MOXD1: variants seen among roughly 807,000 people sequenced by gnomAD.
MOXD1 encodes the protein monooxygenase DBH like 1, also known as DBH-like monooxygenase protein 1.
MOXD1 carries 62 observed loss-of-function variants against 66.6 expected under a neutral mutation model. The observed-to-expected ratio is 0.93, with a 90% CI of 0.76 to 1.15. The LOEUF is 1.15. MOXD1 is among the 50% of genes most tolerant of loss of function. The probability of loss-of-function intolerance (pLI) is 0.00; values close to 1 mark genes in which losing one functional copy is unlikely to be tolerated. For missense variants in MOXD1, 847 were observed against 754.6 expected (o/e 1.12, Z -1.44); for synonymous variants, 303 against 281.9 (o/e 1.07, Z -0.75).
chr6:132,303,835 G>GTATATA (rs1158339059), intron 10 of MOXD1, among the ~76,000 whole-genome samples: 104 of 47,520 alleles, frequency 2.2e-3, no homozygotes, highest in Non-Finnish European at 3.3e-3. Flanking sequence ...GTGTGTGTGT[G>GTATATA]TATATATATA....
At chr6:132,344,597 T>C (rs1234913592) in intron 4 of MOXD1, among the ~76,000 whole-genome samples, 1 of 152,206 alleles carries the variant, frequency 6.6e-6, no homozygotes, top group Non-Finnish European at 1.5e-5. Context: ...CGCACATTCC[T>C]TTGATTGATC....
intron 1 of MOXD1, among the ~76,000 whole-genome samples, chr6:132,387,024 T>G (rs3861470): frequency 0.84 from 126,150 of 150,816 alleles, 54,112 homozygotes; most frequent in East Asian, 1. Context: ...GCTGTTTTTT[T>G]TTCCTCAGGT....
intron 4 of MOXD1, among the ~76,000 whole-genome samples, chr6:132,335,588 G>A (rs960189697): frequency 9.2e-5 from 14 of 152,196 alleles, no homozygotes; most frequent in African/African-American, 2.9e-4. Flanking sequence ...GAAGCTGGAA[G>A]AGGCAAGGAA....
intron 4 of MOXD1, among the ~76,000 whole-genome samples, chr6:132,369,782 A>G (rs1776227954): frequency 6.6e-6 from 1 of 152,068 alleles, no homozygotes; most frequent in Non-Finnish European, 1.5e-5. Flanking sequence ...ACAGTGCAAG[A>G]TTTCATCAAG....
rs1209201997 is a variant in MOXD1 at position 132,359,121 on chromosome 6, C to CT, written c.663+13486dup. ...CTCTTAGGAACTGCCTGCAGCTTTC[C>CT]TTTTTTTTTTTTTTCTGAGGCAGGA... On this transcript the variant is annotated intron_variant, in intron 4 of 11. Coordinates refer to ENST00000367963, the MANE Select transcript of MOXD1 (RefSeq NM_015529.4). 5.2e-3 allele frequency among the ~76,000 whole-genome samples: 726 copies of CT among 138,346 alleles called. 2 individuals carry two copies. Among genetic ancestry groups the CT allele is most frequent in the African/African-American group, 0.011 (423 of 37,598 alleles). 90.8% of individuals were successfully genotyped at this position (138,346 alleles called of 152,430 possible).
In MOXD1 at chr6:132,296,292, C is replaced by G. The variant is rs1187898380; in HGVS notation, c.*861G>C. ...GTGTCACCCAAAGTCAGCAAGGAAC[C>G]ATTCAGAACTTACACCCTCCTGGAC... On this transcript the variant is annotated 3_prime_UTR_variant, in exon 12 of 12. Coordinates refer to ENST00000367963, the MANE Select transcript of MOXD1 (RefSeq NM_015529.4). 1 of 152,128 alleles carries G rather than the reference C, an allele frequency of 6.6e-6. No individual in the cohort carries two copies. The allele number at this position is 152,128 out of a possible 1,614,324, so 9.4% of individuals were successfully genotyped here.
intron 4 of MOXD1, among the ~76,000 whole-genome samples, chr6:132,347,414 C>T (rs574324351): frequency 1.3e-5 from 2 of 152,284 alleles, no homozygotes; most frequent in African/African-American, 4.8e-5. Context: ...TAGTGGCTCA[C>T]ATCTGTAATC....
intron 4 of MOXD1, among the ~76,000 whole-genome samples, chr6:132,370,092 CT>C (rs774018259): frequency 1.3e-4 from 19 of 151,984 alleles, no homozygotes; most frequent in Non-Finnish European, 1.9e-4. Flanking sequence ...TGTGAAAGTA[CT>C]TTTTGTTTGC....
intron 1 of MOXD1, among the ~76,000 whole-genome samples, chr6:132,400,543 C>T (rs1370460597): frequency 6.6e-6 from 1 of 152,068 alleles, no homozygotes; most frequent in Non-Finnish European, 1.5e-5. Context: ...AGTTTTGTCA[C>T]TTCATAGGAT....
rs1314717522 is a variant in MOXD1 at position 132,372,691 on chromosome 6, C to A, written c.580G>T (p.Val194Phe). 4 of 1,613,280 alleles carry A rather than the reference C, an allele frequency of 2.5e-6. No homozygotes were observed. The highest frequency in any genetic ancestry group is 3.4e-6 in the Non-Finnish European group (4 of 1,179,522). Residue 194 changes from valine (V) to phenylalanine (F), a missense_variant and splice_region_variant, in exon 4 of 12, where the codon GTC becomes TTC. By Grantham distance (50) the Val-to-Phe change is conservative. Coordinates refer to ENST00000367963, the MANE Select transcript of MOXD1 (RefSeq NM_015529.4). ...LPYFDLVNQD[V>F]PIPNKDTTYW... Reference sequence around the variant, plus strand: ...GTTGTATCTTTGTTTGGGATGGGGACCTGTCTTAATAAAAAGGGGAGGAAG... The same window carrying A: ...GTTGTATCTTTGTTTGGGATGGGGAACTGTCTTAATAAAAAGGGGAGGAAG...
chr6:132,386,325 C>T (rs1476044379), intron 1 of MOXD1, among the ~76,000 whole-genome samples: 1 of 149,320 alleles, frequency 6.7e-6, no homozygotes, highest in African/African-American at 2.5e-5. Flanking sequence ...TGGCGTGAAC[C>T]CGGGAGGCGG....
chr6:132,359,854 C>A (rs1208197605), intron 4 of MOXD1, among the ~76,000 whole-genome samples: 1 of 152,170 alleles, frequency 6.6e-6, no homozygotes, highest in African/African-American at 2.4e-5. Context: ...AAATTAGTGA[C>A]CCCATTTAGG....
intron 10 of MOXD1, among the ~76,000 whole-genome samples, chr6:132,314,942 T>G (rs1265301548): frequency 6.6e-6 from 1 of 152,222 alleles, no homozygotes; most frequent in African/African-American, 2.4e-5. Flanking sequence ...GTTAACATAA[T>G]AGGCCCACCT....
intron 4 of MOXD1, among the ~76,000 whole-genome samples, chr6:132,346,440 C>T (rs1644955075): frequency 6.6e-6 from 1 of 151,290 alleles, no homozygotes; most frequent in Admixed American, 6.6e-5. Context: ...TTTCTAGCAG[C>T]AGGGGAATAA....
intron 4 of MOXD1, among the ~76,000 whole-genome samples, chr6:132,356,875 A>G (rs957956962): frequency 1.1e-4 from 17 of 152,220 alleles, no homozygotes; most frequent in African/African-American, 3.6e-4. Context: ...ATACAAATAA[A>G]TCTGTTAGCA....
intron 4 of MOXD1, among the ~76,000 whole-genome samples, chr6:132,365,589 GA>G (rs1776105233): frequency 6.6e-6 from 1 of 152,190 alleles, no homozygotes; most frequent in East Asian, 1.9e-4. Flanking sequence ...TCTAGGGTCA[GA>G]AAGCTAATTA....
At chr6:132,317,268 A>G (rs915026836) in intron 9 of MOXD1, among the ~76,000 whole-genome samples, 39 of 152,324 alleles carry the variant, frequency 2.6e-4, no homozygotes, top group African/African-American at 8.7e-4. Flanking sequence ...GGGCTAATAT[A>G]CAATGATTTT....
chr6:132,394,529 T>G (rs539149807), intron 1 of MOXD1, among the ~76,000 whole-genome samples: 1 of 152,100 alleles, frequency 6.6e-6, no homozygotes, highest in South Asian at 2.1e-4. Flanking sequence ...AGAAGCTCAG[T>G]AAGACACAAC....
At chr6:132,330,930 A>T (rs543744824) in intron 4 of MOXD1, among the ~76,000 whole-genome samples, 1 of 152,290 alleles carries the variant, frequency 6.6e-6, no homozygotes, top group African/African-American at 2.4e-5. Flanking sequence ...TGCCACACCT[A>T]AGCCTCAGGT....
Sources: gnomAD v4.1 joint callset for allele counts (sites outside exome capture counted in the v4.1 genomes callset) on GRCh38, gnomAD v4.1.1 for gene constraint, MANE v1.5 for transcripts, NCBI Gene and HGNC (gene_info 2026-07-23, HGNC 2026-07-21) for gene names.